IL1RAPL2: variants seen among roughly 807,000 people sequenced by gnomAD.
IL1RAPL2 encodes the protein X-linked interleukin-1 receptor accessory protein-like 2.
IL1RAPL2 carries 3 observed loss-of-function variants against 44.1 expected under a neutral mutation model. The observed-to-expected ratio is 0.07, with a 90% CI of 0.03 to 0.18. The LOEUF is 0.18. Among genes scored for constraint, IL1RAPL2 ranks in the 10% least tolerant of loss-of-function variants. IL1RAPL2 has a pLI of 1.00. For missense variants in IL1RAPL2, 391 were observed against 496.4 expected, an observed-to-expected ratio of 0.79 and a Z score of 2.02; for synonymous variants, 181 against 178.8, an observed-to-expected ratio of 1.01 and a Z score of -0.10.
intron 2 of IL1RAPL2, among the ~76,000 whole-genome samples, chrX:104,974,051 A>G (rs936015014): frequency 8.9e-6 from 1 of 111,732 alleles, no homozygotes; most frequent in East Asian, 2.8e-4. Context: ...GGCACATTTC[A>G]TATAAAACTA....
At chrX:104,953,419 A>G (rs780174636) in intron 2 of IL1RAPL2, among the ~76,000 whole-genome samples, 3 of 112,215 alleles carry the variant, frequency 2.7e-5, no homozygotes, top group African/African-American at 9.7e-5. Flanking sequence ...TACATGCCAC[A>G]TATCCTACAG....
chrX:105,546,171 G>A (rs751296188), intron 6 of IL1RAPL2, among the ~76,000 whole-genome samples: 2 of 111,229 alleles, frequency 1.8e-5, no homozygotes, highest in South Asian at 3.8e-4. Context: ...GGGGCGCAGT[G>A]GGAAAGAATA....
intron 1 of IL1RAPL2, among the ~76,000 whole-genome samples, chrX:104,577,679 G>A: frequency 9.0e-6 from 1 of 110,780 alleles, no homozygotes; most frequent in Non-Finnish European, 1.9e-5. Context: ...GGGTGGTCGG[G>A]GTCTGTATGA....
At chrX:105,037,427 G>A (rs1313180187) in intron 2 of IL1RAPL2, among the ~76,000 whole-genome samples, 2 of 111,296 alleles carry the variant, frequency 1.8e-5, no homozygotes, top group Admixed American at 9.6e-5. Flanking sequence ...CCAGACTGGG[G>A]AGTGTGGACT....
At position 105,159,983 on chromosome X, in the gene IL1RAPL2, C is replaced by CCA. The variant is rs1491322095; in HGVS notation, c.83-35491_83-35490insAC. On this transcript the variant is annotated intron_variant, in intron 2 of 10. Transcript: ENST00000372582. ...AATTAGATACAGCTGACTTAAAGAA[C>CCA]CCCCCCCCCCACTCCACCCCATTTT... Among the ~76,000 whole-genome samples, 312 of 51,984 alleles carry CCA rather than the reference C, an allele frequency of 6.0e-3. 9 individuals carry two copies. The African/African-American group carries it at 0.068, about 11-fold the overall frequency. 45.1% of individuals were successfully genotyped at this position (51,984 alleles called of 115,157 possible). A position where few individuals can be genotyped will look rare whatever the true frequency, so the allele number is the denominator to read the frequency against.
chrX:104,931,947 A>AGAGTGT (rs1341589394), intron 2 of IL1RAPL2, among the ~76,000 whole-genome samples: 1 of 89,014 alleles, frequency 1.1e-5, no homozygotes, highest in African/African-American at 4.1e-5. Context: ...GGAAACTATG[A>AGAGTGT]GTGTGTGTGT....
At chrX:104,771,465 A>G (rs1932640618) in intron 2 of IL1RAPL2, among the ~76,000 whole-genome samples, 1 of 112,703 alleles carries the variant, frequency 8.9e-6, no homozygotes, top group South Asian at 3.6e-4. Flanking sequence ...GTGATTTTGT[A>G]TTTTGTATTA....
chrX:104,756,296 C>T (rs1474126984), intron 2 of IL1RAPL2, among the ~76,000 whole-genome samples: 1 of 111,260 alleles, frequency 9.0e-6, no homozygotes, highest in Non-Finnish European at 1.9e-5. Context: ...CTTTCTAGGG[C>T]TTTTCACCCA....
At chrX:105,500,462 G>A (rs2147781975) in intron 6 of IL1RAPL2, among the ~76,000 whole-genome samples, 1 of 110,970 alleles carries the variant, frequency 9.0e-6, no homozygotes, top group East Asian at 2.9e-4. Context: ...TATATAATGT[G>A]CCAACAATGC....
chrX:105,310,931 C>G (rs929410189), intron 5 of IL1RAPL2, among the ~76,000 whole-genome samples: 13 of 111,580 alleles, frequency 1.2e-4, no homozygotes, highest in African/African-American at 4.2e-4. Context: ...TGACTTCTCA[C>G]TTTTATTATG....
chrX:105,521,986 T>C (rs745411210), intron 6 of IL1RAPL2, among the ~76,000 whole-genome samples: 50 of 112,219 alleles, frequency 4.5e-4, no homozygotes, highest in Non-Finnish European at 8.3e-4. Flanking sequence ...CCATATATAT[T>C]ATTTTGGTTG....
chrX:105,512,693 A>G (rs2036479012), intron 6 of IL1RAPL2, among the ~76,000 whole-genome samples: 1 of 111,834 alleles, frequency 8.9e-6, no homozygotes, highest in Non-Finnish European at 1.9e-5. Context: ...ATATCTGCAA[A>G]TAATTACGAG....
intron 6 of IL1RAPL2, among the ~76,000 whole-genome samples, chrX:105,627,035 T>C (rs1467824572): frequency 8.9e-6 from 1 of 111,781 alleles, no homozygotes; most frequent in Non-Finnish European, 1.9e-5. Context: ...TTAAAAACTG[T>C]ATTTATTATT....
chrX:105,383,714 T>G (rs1007132849), intron 5 of IL1RAPL2, among the ~76,000 whole-genome samples: 5 of 112,393 alleles, frequency 4.4e-5, no homozygotes, highest in South Asian at 3.6e-4. Context: ...CTGAACTAAT[T>G]TACATTCCTA....
At chrX:104,810,405 A>G (rs1002737283) in intron 2 of IL1RAPL2, among the ~76,000 whole-genome samples, 3 of 111,235 alleles carry the variant, frequency 2.7e-5, no homozygotes, top group Non-Finnish European at 5.7e-5. Flanking sequence ...CCTAAAACTT[A>G]AAGTATAATA....
chrX:105,247,955 A>G (rs1207873241), intron 4 of IL1RAPL2, among the ~76,000 whole-genome samples: 1 of 110,695 alleles, frequency 9.0e-6, no homozygotes, highest in Non-Finnish European at 1.9e-5. Context: ...AGAACATGCT[A>G]TGCATATCAT....
intron 4 of IL1RAPL2, among the ~76,000 whole-genome samples, chrX:105,258,088 A>C (rs1344135683): frequency 1.8e-5 from 2 of 111,254 alleles, no homozygotes; most frequent in Non-Finnish European, 3.8e-5. Flanking sequence ...TTCTATATTT[A>C]TTGTTATTTT....
chrX:105,305,681 A>G (rs1464471878), intron 5 of IL1RAPL2, among the ~76,000 whole-genome samples: 1 of 111,955 alleles, frequency 8.9e-6, no homozygotes, highest in Non-Finnish European at 1.9e-5. Flanking sequence ...GAAAACACAA[A>G]CTGTAAACTA....
chrX:105,145,658 C>G (rs994687476), intron 2 of IL1RAPL2, among the ~76,000 whole-genome samples: 1 of 111,284 alleles, frequency 9.0e-6, no homozygotes, highest in Admixed American at 9.5e-5. Flanking sequence ...AAGTCCCCCT[C>G]TATGTCCCTG....
Sources: allele counts gnomAD v4.1 joint callset (sites outside exome capture counted in the v4.1 genomes callset), GRCh38; gene constraint gnomAD v4.1.1; transcripts MANE v1.5; gene names NCBI Gene and HGNC (gene_info 2026-07-23, HGNC 2026-07-21).